The following COPA variants were observed in gnomAD, a reference collection of about 807,000 sequenced individuals.
The protein encoded by COPA is coat protein complex I subunit alpha, also known as coatomer subunit alpha.
COPA carries 10 observed loss-of-function variants against 158.7 expected under a neutral mutation model. That is an observed-to-expected ratio of 0.06 (90% confidence interval 0.04 to 0.11). The LOEUF is 0.11. Ranked by LOEUF, COPA falls within the 10% of genes least tolerant of loss-of-function variation. The pLI, the probability that COPA is intolerant of heterozygous loss-of-function variation, is 1.00. For synonymous variants in COPA, 462 were observed against 542.8 expected, an observed-to-expected ratio of 0.85 and a Z score of 2.07; for missense variants, 1,065 against 1,536.7, an observed-to-expected ratio of 0.69 and a Z score of 5.13.
Position 160,291,857 on chromosome 1 carries a change from G to A in COPA, c.3220C>T (p.Pro1074Ser). 6.2e-7 allele frequency: 1 copy of A among 1,614,114 alleles called. No homozygotes were observed. Among genetic ancestry groups the A allele is most frequent in the Non-Finnish European group, 8.5e-7 (1 of 1,180,028 alleles). Residue 1074 changes from proline to serine, a missense_variant, in exon 30 of 33, where the codon CCC becomes TCC. Coordinates refer to ENST00000241704, the MANE Select transcript of COPA (RefSeq NM_004371.4). Reference protein sequence around the residue: ...LSVETERKKLPKETLEQQKRI... With the variant: ...LSVETERKKLSKETLEQQKRI... Reference sequence around the variant, plus strand: ...TTCTGCTGTTCTAGAGTCTCTTTGGGCAGCTTCTTCCTTTCTGTCTCCACG... The same window carrying A: ...TTCTGCTGTTCTAGAGTCTCTTTGGACAGCTTCTTCCTTTCTGTCTCCACG...
At chr1:160,318,468 TAAAA>T (rs71090307) in intron 8 of COPA, among the ~76,000 whole-genome samples, 15 of 15,666 alleles carry the variant, frequency 9.6e-4, no homozygotes, top group Admixed American at 5.8e-3. Flanking sequence ...ACAATATTTG[TAAAA>T]AAAAAAAAAA....
intron 17 of COPA, among the ~76,000 whole-genome samples, chr1:160,305,063 A>G (rs1269251880): frequency 2.6e-5 from 4 of 152,230 alleles, no homozygotes; most frequent in Admixed American, 6.5e-5. Context: ...AAGAAAAGCA[A>G]GGAAGAAATT....
chr1:160,310,845 G>T (rs1006026796), intron 11 of COPA, among the ~76,000 whole-genome samples: 2 of 152,120 alleles, frequency 1.3e-5, no homozygotes, highest in Admixed American at 1.3e-4. Flanking sequence ...GTTCAGAGTT[G>T]TGCACTTTTT....
chr1:160,293,310 A>G, intron 26 of COPA, 76 bp from the exon 27 acceptor site: 1 of 1,611,068 alleles, frequency 6.2e-7, no homozygotes, highest in East Asian at 2.2e-5. Context: ...TATAGTAGAA[A>G]AGTAGCCAAC....
chr1:160,328,611 A>G (rs1481818933), intron 6 of COPA, among the ~76,000 whole-genome samples: 1 of 152,218 alleles, frequency 6.6e-6, no homozygotes, highest in Non-Finnish European at 1.5e-5. Context: ...AGGATTTGGC[A>G]GCAAATTAAT....
At chr1:160,341,072 C>T (rs965898755) in intron 1 of COPA, among the ~76,000 whole-genome samples, 1 of 152,182 alleles carries the variant, frequency 6.6e-6, no homozygotes, top group African/African-American at 2.4e-5. Context: ...TGCCCAACAT[C>T]TGTGAGCAAT....
chr1:160,339,965 C>A lies in COPA; in HGVS notation c.172G>T (p.Asp58Tyr). Residue 58 changes from aspartate (D) to tyrosine (Y), a missense_variant, in exon 3 of 33, where the codon GAC (aspartate) becomes TAC (tyrosine). Physicochemically the swap from Asp to Tyr is radical, Grantham distance 160. Coordinates refer to ENST00000241704, the MANE Select transcript of COPA (RefSeq NM_004371.4). ...AACAGTGGCTGCTGCTTATGGAAGT[C>A]AATGCCTCGCACTGGACCTGGTGGA... The part of the protein sequence containing the change: ...DEHDGPVRGI[D>Y]FHKQQPLFVS... 1 of 1,614,104 alleles carries A rather than the reference C, an allele frequency of 6.2e-7. No individual in the cohort carries two copies. The highest frequency in any genetic ancestry group is 1.1e-5 in the South Asian group (1 of 91,058).
rs1168671301 is a variant in COPA, at chr1:160,333,620, T to C, written c.369A>G (p.Gln123=). The C allele has an allele frequency of 1.2e-6, 2 of 1,613,052 alleles. No individual in the cohort carries two copies. The highest frequency in any genetic ancestry group is 1.1e-5 in the South Asian group (1 of 90,890). The change falls in exon 5 of 33, where the codon CAA becomes CAG. Residue 123 remains glutamine, a synonymous_variant. Coordinates refer to ENST00000241704, the MANE Select transcript of COPA (RefSeq NM_004371.4). ...TGCTTTACCAAACACAGGTTCTAGA[T>C]TGCCAGTTCCACACTCGGATGGTCT... ...DDQTIRVWNW[Q]SRTCVCVLTG...
intron 3 of COPA, among the ~76,000 whole-genome samples, chr1:160,337,770 C>A (rs1011902399): frequency 1.7e-4 from 25 of 150,924 alleles, no homozygotes; most frequent in African/African-American, 5.4e-4. Context: ...CCAAAAAAAC[C>A]CACCAAATGA....
At chr1:160,294,410 TA>T in intron 25 of COPA, 73 bp downstream of exon 25, 1 of 1,277,080 alleles carries the variant, frequency 7.8e-7, no homozygotes, top group Non-Finnish European at 1.1e-6. Context: ...AGGATAGTGG[TA>T]GGGGACAATA....
At chr1:160,342,969 G>A (rs534982568) in intron 1 of COPA, among the ~76,000 whole-genome samples, 162 bp downstream of exon 1, 4 of 152,276 alleles carry the variant, frequency 2.6e-5, no homozygotes, top group South Asian at 4.1e-4. Flanking sequence ...GAGGGGACTG[G>A]AGAACCGCTA....
At chr1:160,334,848 A>T (rs1176804647) in intron 4 of COPA, among the ~76,000 whole-genome samples, 1 of 152,170 alleles carries the variant, frequency 6.6e-6, no homozygotes, top group African/African-American at 2.4e-5. Flanking sequence ...GATTGTTAAT[A>T]CTTCGAAACG....
At chr1:160,307,709 G>A (rs1037530850) in intron 13 of COPA, among the ~76,000 whole-genome samples, 1 of 152,220 alleles carries the variant, frequency 6.6e-6, no homozygotes, top group Non-Finnish European at 1.5e-5. Flanking sequence ...AATCTTGACA[G>A]GAGAGCTTGG....
intron 6 of COPA, 77 bp from the exon 7 acceptor site, chr1:160,325,729 A>C (rs756082417): frequency 4.8e-5 from 48 of 999,708 alleles, no homozygotes; most frequent in Non-Finnish European, 6.7e-5. Context: ...GAAACACAGA[A>C]ATTACAGTGA....
At chr1:160,309,025 G>T in intron 13 of COPA, 76 bp downstream of exon 13, 1 of 1,226,022 alleles carries the variant, frequency 8.2e-7, no homozygotes, top group South Asian at 1.2e-5. Flanking sequence ...GATGGAATGT[G>T]AAAAACTTGA....
At chr1:160,329,416 C>T (rs910884099) in intron 6 of COPA, among the ~76,000 whole-genome samples, 1 of 151,092 alleles carries the variant, frequency 6.6e-6, no homozygotes, top group Admixed American at 6.6e-5. Context: ...GGTCACACTC[C>T]CTCTCTTCTC....
At position 160,325,562 on chromosome 1, in the gene COPA, A is replaced by G. The variant is rs1659463318; in HGVS notation, c.587T>C (p.Val196Ala). The change falls in exon 7 of 33, where the codon GTG (valine) becomes GCG (alanine). Residue 196 changes from valine (V) to alanine (A), a missense_variant. Coordinates refer to ENST00000241704, the MANE Select transcript of COPA (RefSeq NM_004371.4). Reference sequence around the variant, plus strand: ...AAGTACCTCTAGTACATGCTTCACCACTGCATCTGTAGTTCCAAATAGATC... The same window carrying G: ...AAGTACCTCTAGTACATGCTTCACCGCTGCATCTGTAGTTCCAAATAGATC... ...GVDLFGTTDA[V>A]VKHVLEGHDR... 1 of 1,614,096 alleles carries G rather than the reference A, an allele frequency of 6.2e-7. No homozygotes were observed. The highest frequency in any genetic ancestry group is 8.5e-7 in the Non-Finnish European group (1 of 1,179,934).
chr1:160,337,748 A>G (rs1380321991), intron 3 of COPA, among the ~76,000 whole-genome samples: 7 of 151,984 alleles, frequency 4.6e-5, no homozygotes, highest in African/African-American at 1.7e-4. Flanking sequence ...AAACAAACAA[A>G]CAAAAAACAA....
chr1:160,297,514 C>A (rs767513918), intron 20 of COPA, 42 bp downstream of exon 20: 1 of 1,612,406 alleles, frequency 6.2e-7, no homozygotes, highest in South Asian at 1.1e-5. Context: ...TTCCTCCTTC[C>A]CCCAAGAACC....
Sources: gnomAD v4.1 joint callset for allele counts (sites outside exome capture counted in the v4.1 genomes callset) on GRCh38, gnomAD v4.1.1 for gene constraint, MANE v1.5 for transcripts, NCBI Gene and HGNC (gene_info 2026-07-23, HGNC 2026-07-21) for gene names.